ARL13A: variants seen among roughly 807,000 people sequenced by gnomAD.
ARL13A encodes the protein ADP-ribosylation factor-like protein 13A.
In ARL13A, 16 loss-of-function variants were observed where a neutral mutation model predicts 19.1. The observed-to-expected ratio is 0.84, with a 90% CI of 0.57 to 1.27. The LOEUF (loss-of-function observed/expected upper bound fraction) is 1.27. Among genes scored for constraint, ARL13A ranks in the 50% most tolerant of loss-of-function variants. The pLI is 0.00. For synonymous variants in ARL13A, 69 were observed against 71.3 expected, an observed-to-expected ratio of 0.97 and a Z score of 0.17; for missense variants, 153 against 186.4, an observed-to-expected ratio of 0.82 and a Z score of 1.04.
chrX:100,983,508 C>G (rs1306939079), intron 3 of ARL13A, among the ~76,000 whole-genome samples: 1 of 110,211 alleles, frequency 9.1e-6, no homozygotes, highest in Non-Finnish European at 1.9e-5. Flanking sequence ...AGGTGCCCGC[C>G]ACCACGCCTG....
At chrX:100,987,704 G>A (rs1385104042) in intron 6 of ARL13A, 148 bp downstream of exon 6, 22 of 589,190 alleles carry the variant, frequency 3.7e-5, no homozygotes, top group Non-Finnish European at 4.6e-5. Flanking sequence ...GGCTAGGGCA[G>A]TGCCCACCAA....
chrX:100,973,568 A>T, intron 1 of ARL13A, 108 bp from the exon 2 acceptor site: 1 of 946,740 alleles, frequency 1.1e-6, no homozygotes, highest in Admixed American at 2.7e-5. Context: ...ACTTCTAACA[A>T]TCCCAGGCTT....
rs139546050 is a variant in ARL13A, at chrX:100,979,339, T to G, written c.130+5142T>G. 5.3e-3 allele frequency among the ~76,000 whole-genome samples: 598 copies of G among 112,014 alleles called. 6 individuals carry two copies. Among genetic ancestry groups the G allele is most frequent in the African/African-American group, 0.019 (572 of 30,816 alleles). ...GGTGTTGACAAAAATCCCTCAGCTT[T>G]TGTTTGTCTGGGAAATACTTTATTT... On this transcript the variant is annotated intron_variant, in intron 3 of 7. Transcript: ENST00000450049.
chrX:100,987,319 A>T (rs910346185), intron 5 of ARL13A, 71 bp from the exon 6 acceptor site: 4 of 1,068,202 alleles, frequency 3.7e-6, no homozygotes, highest in Non-Finnish European at 3.8e-6. Context: ...TTTGAATGAG[A>T]GTGACTGGTT....
At chrX:100,973,530 G>A (rs1165303145) in intron 1 of ARL13A, 146 bp from the exon 2 acceptor site, 20 of 936,221 alleles carry the variant, frequency 2.1e-5, no homozygotes, top group Non-Finnish European at 2.8e-5. Context: ...GACATTTATA[G>A]ACACAGTTGG....
In ARL13A at chrX:100,986,780, T is replaced by G. The variant is rs1288134558; in HGVS notation, c.381-16T>G. 2 of 1,138,547 alleles carry G rather than the reference T, an allele frequency of 1.8e-6. No individual in the cohort carries two copies. Among genetic ancestry groups the G allele is most frequent in the South Asian group, 3.9e-5 (2 of 51,078 alleles). The allele number at this position is 1,138,547 out of a possible 1,213,427, so 93.8% of individuals were successfully genotyped here. On this transcript the variant is annotated splice_polypyrimidine_tract_variant and intron_variant, in intron 4 of 7. Transcript: ENST00000450049. The stretch of plus-strand genomic sequence containing the variant: ...CTCTTCCACTCTTTTCCTCCCTCTC[T>G]CATATGCTGTTTTAGTTTAGCAAAC...
intron 3 of ARL13A, among the ~76,000 whole-genome samples, chrX:100,977,245 A>G (rs760030503): frequency 9.1e-6 from 1 of 109,670 alleles, no homozygotes; most frequent in Admixed American, 9.7e-5. Flanking sequence ...GACTATAGTC[A>G]CTCTGTTGTG....
Position 100,985,901 on chromosome X carries a change from G to A in ARL13A, c.365G>A (p.Gly122Glu), listed in dbSNP as rs750881226. 1 of 1,206,449 alleles carries A rather than the reference G, an allele frequency of 8.3e-7. No homozygotes were observed. The highest frequency in any genetic ancestry group is 1.7e-5 in the African/African-American group (1 of 57,662). ...THLLSDKRVA[G>E]KPILILANKQ... ...CTGCTGTCCGATAAAAGAGTGGCAG[G>A]GAAACCCATCTTAATGTAAGATTCT... The change falls in exon 4 of 8, where the codon GGG becomes GAG. Residue 122 changes from glycine (G) to glutamate (E), a missense_variant. Physicochemically the swap from Gly to Glu is moderately conservative, Grantham distance 98. Coordinates refer to ENST00000450049, the MANE Select transcript of ARL13A (RefSeq NM_001162491.2).
intron 3 of ARL13A, 54 bp from the exon 4 acceptor site, chrX:100,985,613 G>A: frequency 1.7e-6 from 2 of 1,161,197 alleles, no homozygotes; most frequent in Non-Finnish European, 2.3e-6. Context: ...CCTGTTAGAT[G>A]AGTATGGAGT....
chrX:100,988,185 T>C lies in ARL13A; in HGVS notation c.654-8T>C, dbSNP rs375995961. On this transcript the variant is annotated splice_polypyrimidine_tract_variant and splice_region_variant and intron_variant, in intron 6 of 7. Transcript: ENST00000450049. Reference sequence around the variant, plus strand: ...TCTACTACTGCTGTCCTTTCCATCTTCCACCAGCTTCTCCACCAGAACAGG... The same window carrying C: ...TCTACTACTGCTGTCCTTTCCATCTCCCACCAGCTTCTCCACCAGAACAGG... 2.7e-4 allele frequency: 325 copies of C among 1,197,845 alleles called. No individual in the cohort carries two copies. In the African/African-American group the frequency reaches 4.2e-3, roughly 15 times the overall value.
intron 3 of ARL13A, among the ~76,000 whole-genome samples, chrX:100,983,590 C>G (rs1024660489): frequency 9.0e-5 from 10 of 111,223 alleles, no homozygotes; most frequent in African/African-American, 3.3e-4. Context: ...CTCCTGACCT[C>G]AGGTGATCTG....
chrX:100,980,429 G>A (rs1432952289), intron 3 of ARL13A, among the ~76,000 whole-genome samples: 1 of 110,005 alleles, frequency 9.1e-6, no homozygotes, highest in Non-Finnish European at 1.9e-5. Context: ...AGGCCCGAGG[G>A]CTCTTTAGTC....
At chrX:100,970,296 AC>A (rs1438566585) in intron 1 of ARL13A, among the ~76,000 whole-genome samples, 1 of 112,454 alleles carries the variant, frequency 8.9e-6, no homozygotes, top group Non-Finnish European at 1.9e-5. Context: ...CTTATGGGAA[AC>A]CTAATGATCT....
chrX:100,972,576 G>A (rs1186391170), intron 1 of ARL13A, among the ~76,000 whole-genome samples: 3 of 59,233 alleles, frequency 5.1e-5, no homozygotes, highest in African/African-American at 6.7e-5. Context: ...GCGGCTGGCC[G>A]GGCAGAGGGG....
At position 100,990,790 on chromosome X, in the gene ARL13A, GA is replaced by G; in HGVS notation, c.*206del. 2.5e-6 allele frequency: 1 copy of G among 395,084 alleles called. No individual in the cohort carries two copies. The highest frequency in any genetic ancestry group is 4.4e-6 in the Non-Finnish European group (1 of 226,347). The allele number at this position is 395,084 out of a possible 1,213,427, so 32.6% of individuals were successfully genotyped here. On this transcript the variant is annotated 3_prime_UTR_variant, in exon 8 of 8. Transcript: ENST00000450049. The stretch of plus-strand genomic sequence containing the variant: ...TTTTTTTCTTTAAGGTTCTTAGGCA[GA>G]AAAGGATTGGCAAAAATAAATAGAA...
intron 1 of ARL13A, among the ~76,000 whole-genome samples, chrX:100,972,408 G>T (rs2085670445): frequency 9.9e-6 from 1 of 101,085 alleles, no homozygotes; most frequent in African/African-American, 3.7e-5. Flanking sequence ...GGGCAGAGGG[G>T]CTCCTCACTT....
chrX:100,980,277 T>G (rs2085832555), intron 3 of ARL13A, among the ~76,000 whole-genome samples: 1 of 106,895 alleles, frequency 9.4e-6, no homozygotes, highest in Non-Finnish European at 1.9e-5. Context: ...GCTTGGTGCT[T>G]TATTTTACTG....
rs1466467068 is a variant in ARL13A at position 100,983,804 on chromosome X, CATA to C, written c.131-1853_131-1851del. 5.4e-5 allele frequency among the ~76,000 whole-genome samples: 6 copies of C among 111,516 alleles called. No homozygotes were observed. In the Admixed American group the frequency reaches 5.8e-4, roughly 11 times the overall value. On this transcript the variant is annotated intron_variant, in intron 3 of 7. Transcript: ENST00000450049. ...AGATGTTATGAAAATCACATTTAAA[CATA>C]ATAATAATATATACATATACACACA... is the stretch of plus-strand genomic sequence containing the variant.
intron 7 of ARL13A, among the ~76,000 whole-genome samples, chrX:100,989,033 A>G (rs1953579005): frequency 9.1e-6 from 1 of 109,466 alleles, no homozygotes; most frequent in Admixed American, 9.9e-5. Flanking sequence ...AACATCCTAT[A>G]TGTCCAACAA....
Sources: gnomAD v4.1 joint callset for allele counts (sites outside exome capture counted in the v4.1 genomes callset) on GRCh38, gnomAD v4.1.1 for gene constraint, MANE v1.5 for transcripts, NCBI Gene and HGNC (gene_info 2026-07-23, HGNC 2026-07-21) for gene names.